The following ZNF875 variants were observed in gnomAD, a reference collection of about 807,000 sequenced individuals.
ZNF875 encodes the protein zinc finger protein 875, also known as HKR1, GLI-Kruppel zinc finger family member.
ZNF875 carries 14 observed loss-of-function variants against 11.2 expected under a neutral mutation model. The ratio of observed to expected loss-of-function variants is 1.26; its 90% CI spans 0.83 to 1.96. The LOEUF (loss-of-function observed/expected upper bound fraction) is 1.96. ZNF875 is among the 30% of genes most tolerant of loss of function. The pLI is 0.00. For synonymous variants in ZNF875, 301 were observed against 281.1 expected (o/e 1.07, Z -0.71); for missense variants, 752 against 760.4 (o/e 0.99, Z 0.13).
At chr19:37,319,221 T>G (rs2030777835) in intron 1 of ZNF875, among the ~76,000 whole-genome samples, 1 of 151,182 alleles carries the variant, frequency 6.6e-6, no homozygotes, top group Non-Finnish European at 1.5e-5. Flanking sequence ...TAATTTTGTA[T>G]TTTTAGTAGA....
At chr19:37,350,106 CTTTTTTTTTTTT>C (rs34388347) in intron 4 of ZNF875, among the ~76,000 whole-genome samples, 1 of 63,696 alleles carries the variant, frequency 1.6e-5, no homozygotes, top group Non-Finnish European at 2.7e-5. Flanking sequence ...CCCCACTGGC[CTTTTTTTTTTTT>C]TTTTTTTTTT....
chr19:37,315,628 G>A (rs752537564), upstream of ZNF875: 2 of 152,058 alleles, frequency 1.3e-5, no homozygotes, highest in Non-Finnish European at 2.9e-5. Flanking sequence ...TCAGTCCGTC[G>A]CGATTCTCCA....
At chr19:37,319,369 A>ATATATAT (rs56256521) in intron 1 of ZNF875, among the ~76,000 whole-genome samples, 15 of 139,874 alleles carry the variant, frequency 1.1e-4, no homozygotes, top group South Asian at 4.6e-4. Flanking sequence ...ATATATATAT[A>ATATATAT]ATAAAAATGG....
intron 4 of ZNF875, among the ~76,000 whole-genome samples, chr19:37,360,907 A>G (rs1408507776): frequency 6.6e-6 from 1 of 151,910 alleles, no homozygotes; most frequent in East Asian, 1.9e-4. Flanking sequence ...TTTTTAGAAT[A>G]GTCATTGCTA....
Position 37,363,539 on chromosome 19 carries a change from A to G in ZNF875, c.1687A>G (p.Arg563Gly). Reference sequence around the variant, plus strand: ...GGCACACTCAGGTGCCTTTGTGTGCAGGGAGTGTGGGCAAGGCTTTTGTGC... The same window carrying G: ...GGCACACTCAGGTGCCTTTGTGTGCGGGGAGTGTGGGCAAGGCTTTTGTGC... Reference protein sequence around the residue: ...KRAHSGAFVCRECGQGFCAKL... With the variant: ...KRAHSGAFVCGECGQGFCAKL... Residue 563 changes from arginine to glycine, a missense_variant, in exon 5 of 5, where the codon AGG becomes GGG. Transcript: ENST00000392153. The G allele has an allele frequency of 6.2e-7, 1 of 1,613,178 alleles. No individual in the cohort carries two copies.
At chr19:37,335,007 G>A (rs2034030006) in intron 1 of ZNF875, 162 bp from the exon 2 acceptor site, 2 of 547,214 alleles carry the variant, frequency 3.7e-6, no homozygotes, top group African/African-American at 3.8e-5. Context: ...GAGCTTGAGG[G>A]TGGCTGGGTC....
At chr19:37,332,320 G>A (rs148842038), upstream of ZNF875, among the ~76,000 whole-genome samples, 4,920 of 150,536 alleles carry the variant, frequency 0.033, 117 homozygotes, top group Non-Finnish European at 0.05. Flanking sequence ...CAAATCTCTC[G>A]TCCCACCTTA....
intron 4 of ZNF875, among the ~76,000 whole-genome samples, chr19:37,353,135 A>G (rs1324830124): frequency 6.6e-6 from 1 of 152,086 alleles, no homozygotes; most frequent in East Asian, 1.9e-4. Context: ...CAGCCTCCCA[A>G]AGTGTTCAGA....
Position 37,362,949 on chromosome 19 carries a change from A to C in ZNF875, c.1097A>C (p.Tyr366Ser), listed in dbSNP as rs756826264. The change falls in exon 5 of 5, where the codon TAT (tyrosine) becomes TCT (serine). Residue 366 changes from tyrosine (Y) to serine (S), a missense_variant. Coordinates refer to ENST00000392153, the MANE Select transcript of ZNF875 (RefSeq NM_001353803.2). ...AGGGCGCACACTGGGGAGAAGCCTT[A>C]TGTTTGCAGGGAATGTGGGCGTGGC... ...HQRAHTGEKP[Y>S]VCRECGRGFR... The C allele has an allele frequency of 1.2e-6, 2 of 1,613,632 alleles. No homozygotes were observed. Among genetic ancestry groups the C allele is most frequent in the Non-Finnish European group, 8.5e-7 (1 of 1,179,950 alleles).
At chr19:37,356,648 C>T (rs752371196) in intron 4 of ZNF875, among the ~76,000 whole-genome samples, 8 of 152,026 alleles carry the variant, frequency 5.3e-5, no homozygotes, top group African/African-American at 1.4e-4. Context: ...CTGTTTATGT[C>T]CTTTGCTCAC....
intron 2 of ZNF875, among the ~76,000 whole-genome samples, chr19:37,339,262 C>A (rs1425320083): frequency 6.6e-6 from 1 of 151,956 alleles, no homozygotes; most frequent in Non-Finnish European, 1.5e-5. Context: ...GGCAGTGTAT[C>A]TACCCAGCTC....
At position 37,364,178 on chromosome 19, in the gene ZNF875, C is replaced by T. The variant is rs777751041; in HGVS notation, c.*403C>T. The T allele has an allele frequency of 9.7e-5, 19 of 196,732 alleles. No homozygotes were observed. Among genetic ancestry groups the T allele is most frequent in the South Asian group, 7.8e-4 (7 of 8,954 alleles). 12.2% of individuals were successfully genotyped at this position (196,732 alleles called of 1,614,324 possible). ...TCTTCCCATTTGGTGTGCTTTCCTC[C>T]GATTGATCCCAACCCTTCACCTATT... On this transcript the variant is annotated 3_prime_UTR_variant, in exon 5 of 5. Coordinates refer to ENST00000392153, the MANE Select transcript of ZNF875 (RefSeq NM_001353803.2).
upstream of ZNF875, among the ~76,000 whole-genome samples, chr19:37,332,724 TTTG>T (rs2033592790): frequency 6.6e-6 from 1 of 152,232 alleles, no homozygotes. Context: ...AATTTGCTTT[TTTG>T]TTTTTTGCTG....
chr19:37,339,618 T>A (rs774272667), intron 2 of ZNF875, among the ~76,000 whole-genome samples: 2 of 141,642 alleles, frequency 1.4e-5, no homozygotes, highest in Non-Finnish European at 3.0e-5. Context: ...TGGGATGCAG[T>A]GGTGCAATCG....
At chr19:37,343,679 A>G (rs1200474127) in intron 2 of ZNF875, among the ~76,000 whole-genome samples, 2 of 152,090 alleles carry the variant, frequency 1.3e-5, no homozygotes, top group Non-Finnish European at 2.9e-5. Flanking sequence ...CTGAACTCAG[A>G]TGCCTCTCAA....
rs1309372826 is a variant in ZNF875 at position 37,335,160 on chromosome 19, C to T, written c.-56-9C>T. The stretch of plus-strand genomic sequence containing the variant: ...CCTAGGCCACTCTTATTTCTCTTCA[C>T]ATCCCCAGATCTGTCTTCTGAGACT... On this transcript the variant is annotated splice_polypyrimidine_tract_variant and intron_variant, in intron 1 of 4. Coordinates refer to ENST00000392153, the MANE Select transcript of ZNF875 (RefSeq NM_001353803.2). 2.9e-6 allele frequency: 2 copies of T among 699,468 alleles called. No homozygotes were observed. The highest frequency in any genetic ancestry group is 2.7e-5 in the East Asian group (1 of 37,116). 43.3% of individuals were successfully genotyped at this position (699,468 alleles called of 1,614,324 possible). A position where few individuals can be genotyped will look rare whatever the true frequency, so the allele number is the denominator to read the frequency against.
Position 37,362,225 on chromosome 19 carries a change from G to C in ZNF875, c.373G>C (p.Ala125Pro), listed in dbSNP as rs767757013. 1 of 1,614,088 alleles carries C rather than the reference G, an allele frequency of 6.2e-7. No homozygotes were observed. The highest frequency in any genetic ancestry group is 2.2e-5 in the East Asian group (1 of 44,870). Residue 125 changes from alanine (A) to proline (P), a missense_variant, in exon 5 of 5, where the codon GCA (alanine) becomes CCA (proline). Ala to Pro is a conservative substitution (Grantham distance 27). Coordinates refer to ENST00000392153, the MANE Select transcript of ZNF875 (RefSeq NM_001353803.2). The part of the protein sequence containing the change: ...HLSQLFSSLW[A>P]GNPLHLGKHY... Reference sequence around the variant, plus strand: ...CTCTCAGCTGTTTTCAAGTTTATGGGCAGGAAATCCTCTCCACCTGGGAAA... The same window carrying C: ...CTCTCAGCTGTTTTCAAGTTTATGGCCAGGAAATCCTCTCCACCTGGGAAA...
At chr19:37,349,214 T>C (rs2037388142) in intron 4 of ZNF875, among the ~76,000 whole-genome samples, 1 of 152,216 alleles carries the variant, frequency 6.6e-6, no homozygotes, top group Non-Finnish European at 1.5e-5. Flanking sequence ...AATGACCTCA[T>C]CTTAACTAAT....
chr19:37,314,661 C>T (rs191067865), upstream of ZNF875, among the ~76,000 whole-genome samples: 301 of 149,112 alleles, frequency 2.0e-3, 3 homozygotes, highest in African/African-American at 7.0e-3. Flanking sequence ...ACTGTCTCTA[C>T]TAAAAATATA....
Sources: gnomAD v4.1 joint callset for allele counts (sites outside exome capture counted in the v4.1 genomes callset) on GRCh38, gnomAD v4.1.1 for gene constraint, MANE v1.5 for transcripts, NCBI Gene and HGNC (gene_info 2026-07-23, HGNC 2026-07-21) for gene names.